The following OR3A2 variants were observed in gnomAD, a reference collection of about 807,000 sequenced individuals.
The protein encoded by OR3A2 is olfactory receptor 3A2.
For synonymous variants in OR3A2, 126 were observed against 159.3 expected (o/e 0.79, Z 1.57); for missense variants, 318 against 392.8 (o/e 0.81, Z 1.61).
intron 2 of OR3A2, among the ~76,000 whole-genome samples, chr17:3,374,969 C>A (rs888631406): frequency 6.6e-6 from 1 of 151,498 alleles, no homozygotes; most frequent in African/African-American, 2.4e-5. Flanking sequence ...GTTTGGTTTT[C>A]TATTCCTGAG....
intron 3 of OR3A2, chr17:3,292,539 A>C (rs998950016): frequency 5.0e-6 from 8 of 1,613,924 alleles, no homozygotes; most frequent in Non-Finnish European, 6.8e-6. Context: ...CAGCAGGATG[A>C]ACTCAGCAAT....
At chr17:3,288,881 T>G (rs1381156571), upstream of OR3A2, among the ~76,000 whole-genome samples, 1 of 152,228 alleles carries the variant, frequency 6.6e-6, no homozygotes. Flanking sequence ...TATATATAAA[T>G]ACTAATCTCA....
chr17:3,348,579 GA>G (rs2049390519), intron 2 of OR3A2, among the ~76,000 whole-genome samples: 1 of 152,146 alleles, frequency 6.6e-6, no homozygotes, highest in Non-Finnish European at 1.5e-5. Flanking sequence ...GTGACGGGGA[GA>G]ATGGAACCAA....
intron 2 of OR3A2, among the ~76,000 whole-genome samples, chr17:3,379,792 T>A (rs976585074): frequency 1.4e-4 from 21 of 152,114 alleles, no homozygotes; most frequent in African/African-American, 5.1e-4. Flanking sequence ...CCATCCTGCA[T>A]AGAAGGGGCA....
At chr17:3,326,427 C>G (rs2049173147) in intron 3 of OR3A2, among the ~76,000 whole-genome samples, 1 of 151,902 alleles carries the variant, frequency 6.6e-6, no homozygotes, top group Non-Finnish European at 1.5e-5. Flanking sequence ...TCAGGGACCC[C>G]AAATGGAGGG....
At chr17:3,368,330 T>G (rs2049582456) in intron 2 of OR3A2, among the ~76,000 whole-genome samples, 1 of 152,234 alleles carries the variant, frequency 6.6e-6, no homozygotes, top group Non-Finnish European at 1.5e-5. Flanking sequence ...CTAGAAGAGT[T>G]TTTCCAATGT....
chr17:3,292,024 G>A (rs1245901821), intron 3 of OR3A2: 1 of 1,614,122 alleles, frequency 6.2e-7, no homozygotes, highest in Non-Finnish European at 8.5e-7. Flanking sequence ...AGCTGGAAGA[G>A]CTGTGGGAGG....
intron 2 of OR3A2, among the ~76,000 whole-genome samples, chr17:3,346,490 C>T (rs529177886): frequency 7.2e-5 from 11 of 152,130 alleles, no homozygotes; most frequent in Non-Finnish European, 1.5e-4. Context: ...GCCTATCAGC[C>T]GCCTTGCCAT....
In OR3A2 at chr17:3,354,935, C is replaced by T. The variant is rs1295587188; in HGVS notation, c.-178-18809G>A. On this transcript the variant is annotated intron_variant, in intron 2 of 4. Coordinates refer to the OR3A2 transcript ENST00000573491. ...TCTTAGTATTGCTTTTGCTCTATCC[C>T]ATAGGTTTTGGTATGTTGTGTTTGC... 1.3e-5 allele frequency among the ~76,000 whole-genome samples: 2 copies of T among 151,132 alleles called. 1 individual carries two copies. The highest frequency in any genetic ancestry group is 4.9e-5 in the African/African-American group (2 of 40,836).
At chr17:3,347,196 G>A (rs1395285118) in intron 2 of OR3A2, among the ~76,000 whole-genome samples, 5 of 151,576 alleles carry the variant, frequency 3.3e-5, no homozygotes, top group African/African-American at 9.7e-5. Context: ...ACTCAATGAT[G>A]TTGAGTACCT....
intron 2 of OR3A2, among the ~76,000 whole-genome samples, chr17:3,366,268 T>G (rs557930049): frequency 6.6e-6 from 1 of 152,208 alleles, no homozygotes; most frequent in African/African-American, 2.4e-5. Flanking sequence ...CTCATTTTCA[T>G]ATTAATCTGT....
chr17:3,349,783 T>C (rs2049403218), intron 2 of OR3A2, among the ~76,000 whole-genome samples: 1 of 151,806 alleles, frequency 6.6e-6, no homozygotes, highest in African/African-American at 2.4e-5. Flanking sequence ...TACTTGGAAG[T>C]AAAGCACTCC....
chr17:3,335,708 C>T (rs2049271050), intron 3 of OR3A2, among the ~76,000 whole-genome samples: 1 of 152,136 alleles, frequency 6.6e-6, no homozygotes, highest in African/African-American at 2.4e-5. Flanking sequence ...ACAAAAGTCC[C>T]ATGAGGCAAA....
At chr17:3,353,088 C>G (rs1373830063) in intron 2 of OR3A2, among the ~76,000 whole-genome samples, 1 of 148,824 alleles carries the variant, frequency 6.7e-6, no homozygotes, top group Admixed American at 6.8e-5. Context: ...ATGCTGTATC[C>G]TGCAACTTTA....
intron 3 of OR3A2, among the ~76,000 whole-genome samples, chr17:3,327,925 T>C (rs2049191237): frequency 7.8e-6 from 1 of 127,684 alleles, no homozygotes; most frequent in Admixed American, 8.2e-5. Flanking sequence ...TATCTCTGTT[T>C]TGGTACCAGT....
chr17:3,346,586 TATTA>T (rs1408590841), intron 2 of OR3A2, among the ~76,000 whole-genome samples: 5 of 152,302 alleles, frequency 3.3e-5, no homozygotes, highest in Admixed American at 6.5e-5. Flanking sequence ...TACAAACCAT[TATTA>T]ATTATAGTTA....
chr17:3,367,601 G>GTATATATATATATATATATATATA (rs553464584), intron 2 of OR3A2, among the ~76,000 whole-genome samples: 73 of 122,508 alleles, frequency 6.0e-4, no homozygotes, highest in African/African-American at 2.5e-3. Flanking sequence ...GTGTGTGTGT[G>GTATATATATATATATATATATATA]TATATATATA....
At chr17:3,345,663 T>C (rs1007643280) in intron 2 of OR3A2, among the ~76,000 whole-genome samples, 1 of 151,656 alleles carries the variant, frequency 6.6e-6, no homozygotes, top group African/African-American at 2.4e-5. Context: ...TCCCAGAAAG[T>C]AGAGAGAAAA....
intron 2 of OR3A2, among the ~76,000 whole-genome samples, chr17:3,351,777 C>T (rs1163717736): frequency 6.6e-6 from 1 of 151,870 alleles, no homozygotes; most frequent in Non-Finnish European, 1.5e-5. Context: ...ACCTGACTTC[C>T]AACTATACTG....
Sources: gnomAD v4.1 joint callset for allele counts (sites outside exome capture counted in the v4.1 genomes callset) on GRCh38, gnomAD v4.1.1 for gene constraint, MANE v1.5 for transcripts, NCBI Gene and HGNC (gene_info 2026-07-23, HGNC 2026-07-21) for gene names.